SOHLH2: variants seen among roughly 807,000 people sequenced by gnomAD.
SOHLH2 encodes spermatogenesis and oogenesis specific basic helix-loop-helix 2, also known as spermatogenesis- and oogenesis-specific basic helix-loop-helix-containing protein 2.
A neutral mutation model predicts 50.4 loss-of-function variants in SOHLH2; 22 were observed. The ratio of observed to expected loss-of-function variants is 0.44; its 90% CI spans 0.31 to 0.62. SOHLH2 has a LOEUF of 0.62. SOHLH2 is among the 20% of genes least tolerant of loss of function. The probability of loss-of-function intolerance (pLI) is 0.08; values close to 1 mark genes in which losing one functional copy is unlikely to be tolerated. For synonymous variants in SOHLH2, 185 were observed against 187.3 expected, an observed-to-expected ratio of 0.99 and a Z score of 0.10; for missense variants, 412 against 504.4, an observed-to-expected ratio of 0.82 and a Z score of 1.76.
intron 1 of SOHLH2, among the ~76,000 whole-genome samples, chr13:36,207,505 C>T (rs1593961936): frequency 6.6e-6 from 1 of 152,258 alleles, no homozygotes; most frequent in South Asian, 2.1e-4. Flanking sequence ...TCTGACTCAG[C>T]TTCCCCAAAT....
chr13:36,185,835 A>T lies in SOHLH2; in HGVS notation c.641+4111T>A, dbSNP rs74045227. ...AACAGCCAAAAGGAAAAAATAGGGA[A>T]TTTAGTCCTATAATAATTACAGAAA... is the stretch of plus-strand genomic sequence containing the variant. On this transcript the variant is annotated intron_variant, in intron 6 of 10. Coordinates refer to ENST00000379881, the MANE Select transcript of SOHLH2 (RefSeq NM_017826.3). Among the ~76,000 whole-genome samples the T allele has an allele frequency of 2.8e-3, 434 of 152,348 alleles. 2 individuals are homozygous for T. Among genetic ancestry groups the T allele is most frequent in the African/African-American group, 0.01 (420 of 41,592 alleles).
chr13:36,185,262 T>G (rs1396792526), intron 6 of SOHLH2, among the ~76,000 whole-genome samples: 1 of 150,196 alleles, frequency 6.7e-6, no homozygotes, highest in Admixed American at 6.6e-5. Flanking sequence ...AGGTCAGGAG[T>G]TTGAGATCAG....
chr13:36,196,119 GAT>G (rs1887718491), intron 2 of SOHLH2, among the ~76,000 whole-genome samples: 4 of 138,772 alleles, frequency 2.9e-5, no homozygotes, highest in Non-Finnish European at 4.6e-5. Flanking sequence ...TAGATAGATA[GAT>G]AGATAATTTT....
chr13:36,191,143 G>C (rs926345036), intron 5 of SOHLH2, among the ~76,000 whole-genome samples: 2 of 152,142 alleles, frequency 1.3e-5, no homozygotes, highest in Non-Finnish European at 2.9e-5. Flanking sequence ...GCATTGGAAG[G>C]AAGGGTCTGA....
intron 5 of SOHLH2, 141 bp downstream of exon 5, chr13:36,191,654 G>C (rs1458305850): frequency 2.2e-6 from 2 of 899,814 alleles, no homozygotes; most frequent in African/African-American, 3.4e-5. Context: ...ATATTAAGTT[G>C]AATACTTCTG....
At chr13:36,173,988 A>AATGATGTGCAGGG (rs1337107081) in intron 8 of SOHLH2, among the ~76,000 whole-genome samples, 178 bp from the exon 9 acceptor site, 1 of 152,242 alleles carries the variant, frequency 6.6e-6, no homozygotes, top group Non-Finnish European at 1.5e-5. Context: ...GATGTGCAGG[A>AATGATGTGCAGGG]ATGATGTGCT....
intron 2 of SOHLH2, among the ~76,000 whole-genome samples, chr13:36,200,442 A>G (rs997820050): frequency 1.3e-5 from 2 of 152,214 alleles, no homozygotes; most frequent in African/African-American, 4.8e-5. Flanking sequence ...TCTCTGTTTA[A>G]TAAGTAACTT....
Position 36,173,823 on chromosome 13 carries a change from G to C in SOHLH2, c.882-13C>G. The C allele has an allele frequency of 1.9e-6, 3 of 1,613,552 alleles. No individual in the cohort carries two copies. Among genetic ancestry groups the C allele is most frequent in the Non-Finnish European group, 2.5e-6 (3 of 1,179,858 alleles). ...CACACTGTTTTCCCTTGAAAGGACA[G>C]AAAAAATTATTTGCACATTTTTCAA... On this transcript the variant is annotated splice_polypyrimidine_tract_variant and intron_variant, in intron 8 of 10. Coordinates refer to ENST00000379881, the MANE Select transcript of SOHLH2 (RefSeq NM_017826.3).
intron 1 of SOHLH2, among the ~76,000 whole-genome samples, chr13:36,207,064 T>C (rs1868815311): frequency 6.6e-6 from 1 of 151,802 alleles, no homozygotes; most frequent in Admixed American, 6.6e-5. Context: ...TAAACTTTTC[T>C]TTATCATCTT....
intron 6 of SOHLH2, among the ~76,000 whole-genome samples, chr13:36,179,602 G>A (rs915511937): frequency 6.6e-6 from 1 of 151,536 alleles, no homozygotes; most frequent in East Asian, 1.9e-4. Flanking sequence ...TTGTAGAGGC[G>A]AGGTTTTGCC....
Position 36,168,802 on chromosome 13 carries a change from C to A in SOHLH2, c.*232G>T, listed in dbSNP as rs369022173. ...TTTGTTCTTGTAGCTCTCTGGCTGG[C>A]GGGGATCCAAGTGTGTATGAAGATG... On this transcript the variant is annotated 3_prime_UTR_variant, in exon 11 of 11. Transcript: ENST00000379881. 9.4e-6 allele frequency: 5 copies of A among 532,182 alleles called. No homozygotes were observed. The highest frequency in any genetic ancestry group is 1.5e-5 in the Non-Finnish European group (5 of 328,658). 33.0% of individuals were successfully genotyped at this position (532,182 alleles called of 1,614,324 possible).
At chr13:36,181,676 T>C (rs1008829912) in intron 6 of SOHLH2, among the ~76,000 whole-genome samples, 2 of 152,208 alleles carry the variant, frequency 1.3e-5, no homozygotes, top group African/African-American at 4.8e-5. Context: ...CCATGATACA[T>C]TGCTATAATT....
intron 1 of SOHLH2, among the ~76,000 whole-genome samples, chr13:36,205,037 G>T (rs1361374157): frequency 2.0e-5 from 3 of 152,112 alleles, no homozygotes; most frequent in Non-Finnish European, 4.4e-5. Context: ...CACTGTGAAG[G>T]GGATCTCTTC....
Position 36,170,773 on chromosome 13 carries a change from C to A in SOHLH2, c.1015G>T (p.Ala339Ser), listed in dbSNP as rs2296968. 6.2e-7 allele frequency: 1 copy of A among 1,612,742 alleles called. No individual in the cohort carries two copies. Among genetic ancestry groups the A allele is most frequent in the Non-Finnish European group, 8.5e-7 (1 of 1,179,000 alleles). Residue 339 changes from alanine to serine, a missense_variant, in exon 10 of 11, where the codon GCC becomes TCC. Physicochemically the swap from Ala to Ser is moderately conservative, Grantham distance 99 (BLOSUM62 1). Coordinates refer to ENST00000379881, the MANE Select transcript of SOHLH2 (RefSeq NM_017826.3). ...GGATCACCAATAGCATTCTCTGAGG[C>A]GGAGCTTGATGGAACTTTAATGAGA... ...DEAVRVPSSS[A>S]SENAIGDPYK...
At chr13:36,188,334 A>G (rs1317643959) in intron 6 of SOHLH2, among the ~76,000 whole-genome samples, 1 of 152,230 alleles carries the variant, frequency 6.6e-6, no homozygotes, top group Non-Finnish European at 1.5e-5. Flanking sequence ...AGATAACTAG[A>G]ATATGAGGAT....
rs373568193 is a variant in SOHLH2, at chr13:36,180,269, T to G, written c.642-5400A>C. Among the ~76,000 whole-genome samples, 5 of 152,300 alleles carry G rather than the reference T, an allele frequency of 3.3e-5. No homozygotes were observed. The East Asian group carries it at 9.7e-4, about 29-fold the overall frequency. On this transcript the variant is annotated intron_variant, in intron 6 of 10. Coordinates refer to ENST00000379881, the MANE Select transcript of SOHLH2 (RefSeq NM_017826.3). Reference sequence around the variant, plus strand: ...ATTCATGATTGTGATATATTGTGTCTGTCTCCCAGCCTCCTCCCCCTTCAC... The same window carrying G: ...ATTCATGATTGTGATATATTGTGTCGGTCTCCCAGCCTCCTCCCCCTTCAC...
chr13:36,212,064 T>TG (rs1869159723), intron 1 of SOHLH2, among the ~76,000 whole-genome samples: 1 of 152,060 alleles, frequency 6.6e-6, no homozygotes, highest in African/African-American at 2.4e-5. Flanking sequence ...CTCGGCCTTT[T>TG]GGGGGGAAAA....
intron 6 of SOHLH2, among the ~76,000 whole-genome samples, chr13:36,181,835 CCTTCAGCTTTCTTACTCTGCAGGT>C (rs1445316400): frequency 5.3e-5 from 8 of 152,104 alleles, no homozygotes; most frequent in Non-Finnish European, 8.8e-5. Context: ...TGAAGAATTT[CCTTCAGCTTTCTTACTCTGCAGGT>C]CCACTGGTGT....
intron 1 of SOHLH2, 44 bp from the exon 2 acceptor site, chr13:36,202,137 G>T: frequency 6.2e-7 from 1 of 1,606,022 alleles, no homozygotes; most frequent in Non-Finnish European, 8.5e-7. Flanking sequence ...TATTGCCTAG[G>T]CATAGGGAAA....
Sources: allele counts gnomAD v4.1 joint callset (sites outside exome capture counted in the v4.1 genomes callset), GRCh38; gene constraint gnomAD v4.1.1; transcripts MANE v1.5; gene names NCBI Gene and HGNC (gene_info 2026-07-23, HGNC 2026-07-21).